NOS1AP: variants seen among roughly 807,000 people sequenced by gnomAD.
The protein encoded by NOS1AP is nitric oxide synthase 1 adaptor protein, also known as carboxyl-terminal PDZ ligand of neuronal nitric oxide synthase protein.
In NOS1AP, 21 loss-of-function variants were observed where a neutral mutation model predicts 56.2. The ratio of observed to expected loss-of-function variants is 0.37; its 90% CI spans 0.26 to 0.54. The LOEUF (loss-of-function observed/expected upper bound fraction) is 0.54, where lower values mean the gene tolerates loss of function less well. Ranked by LOEUF, NOS1AP falls within the 20% of genes least tolerant of loss-of-function variation. The probability of loss-of-function intolerance (pLI) is 0.84; values close to 1 mark genes in which losing one functional copy is unlikely to be tolerated. For missense variants in NOS1AP, 522 were observed against 657.8 expected, an observed-to-expected ratio of 0.79 and a Z score of 2.26; for synonymous variants, 270 against 274.6, an observed-to-expected ratio of 0.98 and a Z score of 0.17.
At chr1:162,182,161 T>C (rs186055332) in intron 2 of NOS1AP, among the ~76,000 whole-genome samples, 31 of 152,262 alleles carry the variant, frequency 2.0e-4, no homozygotes, top group Admixed American at 1.8e-3. Flanking sequence ...CAGAAAGAGG[T>C]AGATTATTAC....
chr1:162,208,432 T>C (rs1366253512), intron 2 of NOS1AP, among the ~76,000 whole-genome samples: 1 of 152,164 alleles, frequency 6.6e-6, no homozygotes, highest in African/African-American at 2.4e-5. Flanking sequence ...TCAATAAATA[T>C]TGAATTGGAT....
In NOS1AP at chr1:162,367,514, G is replaced by A. The variant is rs1430011259; in HGVS notation, c.*47G>A. ...AGGCGGCGGCGTGGCTGGAGGGGCC[G>A]TGTCTGGCTGCTGCCCGGGTAGGGG... On this transcript the variant is annotated 3_prime_UTR_variant, in exon 10 of 10. Coordinates refer to ENST00000361897, the MANE Select transcript of NOS1AP (RefSeq NM_014697.3). This position sits in a 1 kb window ranked among gnomAD's most constrained non-coding sequence, Gnocchi z 6.5. 4 of 1,504,240 alleles carry A rather than the reference G, an allele frequency of 2.7e-6. No homozygotes were observed. Among genetic ancestry groups the A allele is most frequent in the South Asian group, 2.5e-5 (2 of 78,924 alleles). 93.2% of individuals were successfully genotyped at this position (1,504,240 alleles called of 1,614,324 possible). A position where few individuals can be genotyped will look rare whatever the true frequency, so the allele number is the denominator to read the frequency against.
At chr1:162,258,360 A>G (rs916147463) in intron 2 of NOS1AP, among the ~76,000 whole-genome samples, 1 of 152,162 alleles carries the variant, frequency 6.6e-6, no homozygotes, top group East Asian at 1.9e-4. Context: ...CACCAGGAAT[A>G]TGAATGGGAT....
intron 6 of NOS1AP, 52 bp from the exon 7 acceptor site, chr1:162,355,135 T>G: frequency 6.2e-7 from 1 of 1,604,642 alleles, no homozygotes; most frequent in Non-Finnish European, 8.5e-7. Context: ...AAAGGAGGAC[T>G]TTGTTCTCGG....
chr1:162,249,179 G>A (rs1303342830), intron 2 of NOS1AP, among the ~76,000 whole-genome samples: 1 of 152,144 alleles, frequency 6.6e-6, no homozygotes, highest in Non-Finnish European at 1.5e-5. Context: ...TTCAACCAAA[G>A]GTGGGGGATG....
At chr1:162,153,719 C>T (rs1340092177) in intron 1 of NOS1AP, among the ~76,000 whole-genome samples, 1 of 152,186 alleles carries the variant, frequency 6.6e-6, no homozygotes, top group African/African-American at 2.4e-5. Flanking sequence ...ATATACCCAT[C>T]AGTACACAAA....
At position 162,368,326 on chromosome 1, in the gene NOS1AP, A is replaced by G. The variant is rs1421575268; in HGVS notation, c.*859A>G. 1 of 152,112 alleles carries G rather than the reference A, an allele frequency of 6.6e-6. No homozygotes were observed. The highest frequency in any genetic ancestry group is 1.9e-4 in the East Asian group (1 of 5,192). The allele number at this position is 152,112 out of a possible 1,614,324, so 9.4% of individuals were successfully genotyped here. On this transcript the variant is annotated 3_prime_UTR_variant, in exon 10 of 10. Coordinates refer to ENST00000361897, the MANE Select transcript of NOS1AP (RefSeq NM_014697.3). ...CCCTCACCTCCCCTGTGTCCTGTCC[A>G]GCTGAAGCTTTTGCAGCACTTTACC...
At chr1:162,273,708 G>C (rs116709587) in intron 2 of NOS1AP, among the ~76,000 whole-genome samples, 2,433 of 152,098 alleles carry the variant, frequency 0.016, 18 homozygotes, top group South Asian at 0.027. Context: ...TTGATTTTGG[G>C]GGTATAGTAT....
intron 2 of NOS1AP, among the ~76,000 whole-genome samples, chr1:162,247,021 G>C (rs984916995): frequency 6.6e-6 from 1 of 152,172 alleles, no homozygotes; most frequent in Non-Finnish European, 1.5e-5. Context: ...GATCAAGGAC[G>C]TTAGATCACT....
chr1:162,148,722 C>T (rs528361107), intron 1 of NOS1AP, among the ~76,000 whole-genome samples: 6 of 152,106 alleles, frequency 3.9e-5, no homozygotes, highest in African/African-American at 1.4e-4. Context: ...TAAGATGACC[C>T]AATTTGCTTT....
chr1:162,266,172 G>A (rs181389932), intron 2 of NOS1AP, among the ~76,000 whole-genome samples: 1 of 152,322 alleles, frequency 6.6e-6, no homozygotes, highest in East Asian at 1.9e-4. Context: ...TTATGTGCTA[G>A]CTAAAAATGT....
intron 2 of NOS1AP, among the ~76,000 whole-genome samples, chr1:162,261,459 GCGGGGAGT>G (rs1356259606): frequency 1.7e-5 from 1 of 58,338 alleles, no homozygotes; most frequent in African/African-American, 7.9e-5. Context: ...AAGAGAGGCA[GCGGGGAGT>G]CAGAGAGAGA....
intron 2 of NOS1AP, among the ~76,000 whole-genome samples, chr1:162,178,632 C>T (rs568382829): frequency 1.3e-5 from 2 of 152,252 alleles, no homozygotes; most frequent in East Asian, 1.9e-4. Flanking sequence ...TTTCCCACTG[C>T]GTCATGCCGT....
intron 2 of NOS1AP, among the ~76,000 whole-genome samples, chr1:162,173,125 T>C (rs1183636277): frequency 6.6e-6 from 1 of 152,200 alleles, no homozygotes; most frequent in Non-Finnish European, 1.5e-5. Context: ...CAAAAGTTAT[T>C]GCGTTTTTGC....
chr1:162,240,418 G>T (rs1457815668), intron 2 of NOS1AP, among the ~76,000 whole-genome samples: 1 of 152,162 alleles, frequency 6.6e-6, no homozygotes, highest in Non-Finnish European at 1.5e-5. Context: ...TATACATTCT[G>T]CCCAAGCCCA....
Position 162,357,146 on chromosome 1 carries a change from A to C in NOS1AP, c.939+10A>C. 6.2e-7 allele frequency: 1 copy of C among 1,603,552 alleles called. No homozygotes were observed. Among genetic ancestry groups the C allele is most frequent in the Non-Finnish European group, 8.5e-7 (1 of 1,179,580 alleles). On this transcript the variant is annotated intron_variant, in intron 8 of 9. Coordinates refer to ENST00000361897, the MANE Select transcript of NOS1AP (RefSeq NM_014697.3). The stretch of plus-strand genomic sequence containing the variant: ...AGTGGCTGTGGCCCAGGTTCTCCTC[A>C]GCCTCCTCCCTACTTCGCAGGCTCC...
chr1:162,096,831 G>T (rs1692256430), intron 1 of NOS1AP, among the ~76,000 whole-genome samples: 1 of 151,978 alleles, frequency 6.6e-6, no homozygotes, highest in Non-Finnish European at 1.5e-5. Context: ...TTATTCTTCT[G>T]TTGATTGCAT....
chr1:162,197,784 G>A (rs935617589), intron 2 of NOS1AP, among the ~76,000 whole-genome samples: 1 of 152,220 alleles, frequency 6.6e-6, no homozygotes, highest in African/African-American at 2.4e-5. Context: ...TTTCCTGAGT[G>A]AGGAAGCAGA....
intron 1 of NOS1AP, among the ~76,000 whole-genome samples, chr1:162,093,104 G>A (rs1692168979): frequency 6.6e-6 from 1 of 152,304 alleles, no homozygotes; most frequent in African/African-American, 2.4e-5. Context: ...GGTAGTGAAA[G>A]GCAGTTCCCA....
Sources: gnomAD v4.1 joint callset for allele counts (sites outside exome capture counted in the v4.1 genomes callset) on GRCh38, gnomAD v4.1.1 for gene constraint, Gnocchi (gnomAD v3.1) non-coding constraint, MANE v1.5 for transcripts, NCBI Gene and HGNC (gene_info 2026-07-23, HGNC 2026-07-21) for gene names.